The following MAGI2 variants were observed in gnomAD, a reference collection of about 807,000 sequenced individuals.
The protein encoded by MAGI2 is membrane associated guanylate kinase, WW and PDZ domain containing 2.
A neutral mutation model predicts 133.3 loss-of-function variants in MAGI2; 35 were observed. That is an observed-to-expected ratio of 0.26 (90% CI 0.20 to 0.35). MAGI2 has a LOEUF of 0.35. Ranked by LOEUF, MAGI2 falls within the 10% of genes least tolerant of loss-of-function variation. MAGI2 has a pLI of 1.00. For synonymous variants in MAGI2, 729 were observed against 710.6 expected (o/e 1.03, Z -0.41); for missense variants, 1,636 against 1,863.4 (o/e 0.88, Z 2.25).
chr7:78,593,802 C>T (rs1804303432), intron 3 of MAGI2, among the ~76,000 whole-genome samples: 1 of 152,128 alleles, frequency 6.6e-6, no homozygotes, highest in South Asian at 2.1e-4. Context: ...TATATAATCC[C>T]CAAACTTCCA....
chr7:78,301,667 T>C (rs1014385867), intron 9 of MAGI2, among the ~76,000 whole-genome samples: 46 of 152,350 alleles, frequency 3.0e-4, no homozygotes, highest in Non-Finnish European at 5.7e-4. Context: ...GATTGGAAAC[T>C]TTTCTTTTTT....
At chr7:78,980,805 A>G (rs370976566) in intron 2 of MAGI2, among the ~76,000 whole-genome samples, 15 of 151,090 alleles carry the variant, frequency 9.9e-5, no homozygotes, top group African/African-American at 3.6e-4. Flanking sequence ...ATATTGGAGT[A>G]TATTGTTTAC....
intron 20 of MAGI2, among the ~76,000 whole-genome samples, chr7:78,106,812 C>A (rs544943416): frequency 6.6e-6 from 1 of 152,178 alleles, no homozygotes; most frequent in East Asian, 1.9e-4. Context: ...TGTGGGTTGT[C>A]TCTTCACTCT....
At chr7:79,164,587 T>C (rs984058364) in intron 1 of MAGI2, among the ~76,000 whole-genome samples, 3 of 151,978 alleles carry the variant, frequency 2.0e-5, no homozygotes, top group African/African-American at 7.2e-5. Context: ...AGAACCTTGG[T>C]CTCCACAGTC....
At chr7:78,868,767 T>TG (rs1794786456) in intron 2 of MAGI2, among the ~76,000 whole-genome samples, 2 of 151,804 alleles carry the variant, frequency 1.3e-5, no homozygotes, top group South Asian at 2.1e-4. Flanking sequence ...ACATACTTTT[T>TG]TTTTGAGACA....
chr7:78,430,219 T>C (rs1223417579), intron 6 of MAGI2, among the ~76,000 whole-genome samples: 1 of 150,920 alleles, frequency 6.6e-6, no homozygotes, highest in African/African-American at 2.4e-5. Flanking sequence ...CTAACTGTAT[T>C]ACTGTCTGTT....
At chr7:79,392,949 T>A (rs563210381) in intron 1 of MAGI2, among the ~76,000 whole-genome samples, 1 of 152,188 alleles carries the variant, frequency 6.6e-6, no homozygotes, top group Non-Finnish European at 1.5e-5. Context: ...CGTATTTTAC[T>A]AGGATTTGTT....
chr7:79,177,396 C>A (rs548026248), intron 1 of MAGI2, among the ~76,000 whole-genome samples: 56 of 151,832 alleles, frequency 3.7e-4, no homozygotes, highest in Non-Finnish European at 7.1e-4. Flanking sequence ...TGTATATTAT[C>A]CACATTTTAA....
intron 1 of MAGI2, among the ~76,000 whole-genome samples, chr7:79,149,372 C>T (rs1209849713): frequency 6.6e-6 from 1 of 151,904 alleles, no homozygotes; most frequent in African/African-American, 2.4e-5. Context: ...TAAATGGCTC[C>T]TCTCATAACA....
At chr7:78,875,779 G>A (rs944284884) in intron 2 of MAGI2, among the ~76,000 whole-genome samples, 11 of 152,082 alleles carry the variant, frequency 7.2e-5, no homozygotes, top group African/African-American at 2.4e-4. Context: ...TTTGGGCATA[G>A]CAAACAAAAA....
At chr7:78,243,620 A>G (rs1051164978) in intron 10 of MAGI2, among the ~76,000 whole-genome samples, 1 of 152,144 alleles carries the variant, frequency 6.6e-6, no homozygotes, top group Non-Finnish European at 1.5e-5. Context: ...TTCTCTTTGA[A>G]TGTAAAAAAA....
intron 6 of MAGI2, among the ~76,000 whole-genome samples, chr7:78,400,724 AGTGACAT>A (rs915666473): frequency 1.3e-5 from 2 of 152,202 alleles, no homozygotes; most frequent in Non-Finnish European, 2.9e-5. Flanking sequence ...TTAGGTTGGA[AGTGACAT>A]GTGACATCAT....
Position 78,256,477 on chromosome 7 carries a change from C to T in MAGI2, c.1513G>A (p.Val505Met). Reference sequence around the variant, plus strand: ...GGCAAAGGGTAGCCACGACACAACACCAGGTTGACACTCTGACCAATAGGA... The same window carrying T: ...GGCAAAGGGTAGCCACGACACAACATCAGGTTGACACTCTGACCAATAGGA... ...SVPIGQSVNL[V>M]LCRGYPLPFD... The change falls in exon 10 of 22, where the codon GTG (valine) becomes ATG (methionine). Residue 505 changes from valine (V) to methionine (M), a missense_variant. Transcript: ENST00000354212. 6.2e-7 allele frequency: 1 copy of T among 1,613,838 alleles called. No individual in the cohort carries two copies. The highest frequency in any genetic ancestry group is 8.5e-7 in the Non-Finnish European group (1 of 1,179,938).
chr7:78,805,600 C>T (rs1220147615), intron 2 of MAGI2, among the ~76,000 whole-genome samples: 1 of 152,154 alleles, frequency 6.6e-6, no homozygotes, highest in African/African-American at 2.4e-5. Flanking sequence ...TATTCACGCC[C>T]TTGTATAGTT....
chr7:78,443,819 T>C (rs1001894102), intron 6 of MAGI2, among the ~76,000 whole-genome samples: 1 of 152,160 alleles, frequency 6.6e-6, no homozygotes, highest in Non-Finnish European at 1.5e-5. Flanking sequence ...ACATCAAAGA[T>C]GTCTCAAAGT....
At chr7:79,017,976 A>G (rs1808905342) in intron 1 of MAGI2, among the ~76,000 whole-genome samples, 1 of 152,154 alleles carries the variant, frequency 6.6e-6, no homozygotes, top group Non-Finnish European at 1.5e-5. Flanking sequence ...TGCCTGAGAG[A>G]CAGGGAGAGA....
chr7:78,357,253 A>G (rs1792179511), intron 7 of MAGI2, among the ~76,000 whole-genome samples: 1 of 152,154 alleles, frequency 6.6e-6, no homozygotes, highest in South Asian at 2.1e-4. Context: ...TGTTTGTAAA[A>G]CAGCAGTAAT....
At chr7:78,061,347 G>A (rs544340646) in intron 21 of MAGI2, among the ~76,000 whole-genome samples, 2 of 150,436 alleles carry the variant, frequency 1.3e-5, no homozygotes, top group East Asian at 3.9e-4. Flanking sequence ...AATGACAATG[G>A]GAATGGAGGA....
At chr7:78,346,276 T>C in intron 7 of MAGI2, among the ~76,000 whole-genome samples, 1 of 152,244 alleles carries the variant, frequency 6.6e-6, no homozygotes. Context: ...ATTTACATTA[T>C]GCATAATTCA....
Sources: allele counts gnomAD v4.1 joint callset (sites outside exome capture counted in the v4.1 genomes callset), GRCh38; gene constraint gnomAD v4.1.1; transcripts MANE v1.5; gene names NCBI Gene and HGNC (gene_info 2026-07-23, HGNC 2026-07-21).